FSTL5: variants seen among roughly 807,000 people sequenced by gnomAD.
The protein encoded by FSTL5 is follistatin-related protein 5.
FSTL5 carries 62 observed loss-of-function variants against 89.1 expected under a neutral mutation model. The observed-to-expected ratio is 0.70, with a 90% confidence interval of 0.57 to 0.86. FSTL5 has a LOEUF of 0.86. FSTL5 is among the 40% of genes least tolerant of loss of function. The pLI is 0.00. For synonymous variants in FSTL5, 383 were observed against 346.2 expected (o/e 1.11, Z -1.18); for missense variants, 1,057 against 1,001.6 (o/e 1.06, Z -0.75).
chr4:162,144,880 C>T (rs1372372795), intron 1 of FSTL5, among the ~76,000 whole-genome samples: 1 of 151,550 alleles, frequency 6.6e-6, no homozygotes, highest in Non-Finnish European at 1.5e-5. Flanking sequence ...AACATTCACA[C>T]AAAATTATTC....
rs80130660 is a variant in FSTL5, at chr4:161,416,141, G to A, written c.1842-29692C>T. Among the ~76,000 whole-genome samples, 625 of 152,098 alleles carry A rather than the reference G, an allele frequency of 4.1e-3. 3 individuals are homozygous for A. The highest frequency in any genetic ancestry group is 0.014 in the African/African-American group (594 of 41,494). ...ATCTACTGCAACACATAATTTTGTCGTTATTATCCCAAGAGAAAAATTAAA... is the reference window on the plus strand; with the variant it reads ...ATCTACTGCAACACATAATTTTGTCATTATTATCCCAAGAGAAAAATTAAA... On this transcript the variant is annotated intron_variant, in intron 15 of 15. Coordinates refer to ENST00000306100, the MANE Select transcript of FSTL5 (RefSeq NM_020116.5).
intron 8 of FSTL5, among the ~76,000 whole-genome samples, chr4:161,570,019 A>G (rs912373977): frequency 1.3e-5 from 2 of 152,200 alleles, no homozygotes; most frequent in Admixed American, 6.5e-5. Context: ...CTACTCATGT[A>G]CATTTAAAAA....
chr4:161,468,052 G>A (rs1733806353), intron 13 of FSTL5, among the ~76,000 whole-genome samples: 1 of 151,844 alleles, frequency 6.6e-6, no homozygotes, highest in African/African-American at 2.4e-5. Flanking sequence ...GTCCAGAATG[G>A]CCCACATAAT....
At chr4:161,861,406 A>G (rs539819033) in intron 4 of FSTL5, among the ~76,000 whole-genome samples, 1 of 151,922 alleles carries the variant, frequency 6.6e-6, no homozygotes, top group African/African-American at 2.4e-5. Context: ...TGGGAGTGAG[A>G]CTCCGTCTTC....
At chr4:161,813,230 C>T (rs994399886) in intron 4 of FSTL5, among the ~76,000 whole-genome samples, 1 of 151,852 alleles carries the variant, frequency 6.6e-6, no homozygotes, top group Non-Finnish European at 1.5e-5. Flanking sequence ...GGGGTTTCAC[C>T]GTGTTAGCAA....
chr4:161,505,282 G>A (rs1265468115), intron 11 of FSTL5, among the ~76,000 whole-genome samples: 1 of 152,060 alleles, frequency 6.6e-6, no homozygotes, highest in Admixed American at 6.6e-5. Context: ...TCCTGACTTT[G>A]GAGATAACAT....
At chr4:161,912,949 T>G (rs1228371513) in intron 4 of FSTL5, among the ~76,000 whole-genome samples, 3 of 152,156 alleles carry the variant, frequency 2.0e-5, no homozygotes, top group African/African-American at 7.2e-5. Flanking sequence ...GCAAAGAGAC[T>G]GGTGGCACTT....
chr4:161,977,578 A>G (rs1735684937), intron 3 of FSTL5, among the ~76,000 whole-genome samples: 1 of 145,110 alleles, frequency 6.9e-6, no homozygotes, highest in East Asian at 2.1e-4. Context: ...ACGCCACTGC[A>G]CTCCAGCCTG....
intron 9 of FSTL5, among the ~76,000 whole-genome samples, chr4:161,538,971 G>C (rs1193451630): frequency 6.6e-6 from 1 of 151,968 alleles, no homozygotes; most frequent in Non-Finnish European, 1.5e-5. Flanking sequence ...CACCATGTTT[G>C]CCAGGCTGGT....
chr4:162,141,159 C>T (rs925807196), intron 1 of FSTL5, among the ~76,000 whole-genome samples: 3 of 110,304 alleles, frequency 2.7e-5, no homozygotes, highest in Non-Finnish European at 3.7e-5. Flanking sequence ...CTCTGTCGCC[C>T]AGGCTGGAGT....
intron 4 of FSTL5, among the ~76,000 whole-genome samples, chr4:161,818,607 G>A (rs938451830): frequency 6.6e-6 from 1 of 152,186 alleles, no homozygotes; most frequent in Non-Finnish European, 1.5e-5. Flanking sequence ...TGAGCAGTGG[G>A]GCATTGTAGA....
intron 7 of FSTL5, among the ~76,000 whole-genome samples, chr4:161,590,618 C>G (rs1293066839): frequency 2.0e-5 from 3 of 152,078 alleles, no homozygotes; most frequent in African/African-American, 7.2e-5. Context: ...AAAGGATTTA[C>G]AAATGAACAA....
intron 1 of FSTL5, among the ~76,000 whole-genome samples, chr4:162,143,056 TG>T (rs1732809614): frequency 6.6e-6 from 1 of 152,156 alleles, no homozygotes; most frequent in Admixed American, 6.5e-5. Flanking sequence ...AAGCTTTAAA[TG>T]TTATGTCTGT....
intron 15 of FSTL5, among the ~76,000 whole-genome samples, chr4:161,453,476 C>G (rs1220489621): frequency 2.8e-4 from 42 of 152,076 alleles, no homozygotes; most frequent in Admixed American, 2.8e-3. Flanking sequence ...GGTACCATTT[C>G]AGTTCAACTC....
chr4:161,890,230 A>G (rs1384373688), intron 4 of FSTL5, among the ~76,000 whole-genome samples: 1 of 152,256 alleles, frequency 6.6e-6, no homozygotes, highest in African/African-American at 2.4e-5. Context: ...TTGGCACCTA[A>G]TGGGTACACA....
At chr4:161,911,801 A>G (rs1201012535) in intron 4 of FSTL5, among the ~76,000 whole-genome samples, 2 of 152,186 alleles carry the variant, frequency 1.3e-5, no homozygotes, top group African/African-American at 4.8e-5. Flanking sequence ...AACCTATGTG[A>G]AAAGAGCAAT....
chr4:161,885,161 T>C (rs1732767296), intron 4 of FSTL5, among the ~76,000 whole-genome samples: 1 of 152,160 alleles, frequency 6.6e-6, no homozygotes, highest in African/African-American at 2.4e-5. Context: ...ATAACTCTTT[T>C]GTGTATTGTA....
intron 4 of FSTL5, among the ~76,000 whole-genome samples, chr4:161,875,233 C>T (rs116269455): frequency 0.014 from 2,182 of 152,242 alleles, 59 homozygotes; most frequent in African/African-American, 0.05. Context: ...TAACTTTCCA[C>T]GCCTAAGTAA....
At chr4:161,662,087 G>T (rs1736735619) in intron 6 of FSTL5, among the ~76,000 whole-genome samples, 1 of 152,092 alleles carries the variant, frequency 6.6e-6, no homozygotes, top group South Asian at 2.1e-4. Context: ...AGGCATAAGG[G>T]ATAGGGAAAA....
Sources: gnomAD v4.1 joint callset for allele counts (sites outside exome capture counted in the v4.1 genomes callset) on GRCh38, gnomAD v4.1.1 for gene constraint, MANE v1.5 for transcripts, NCBI Gene and HGNC (gene_info 2026-07-23, HGNC 2026-07-21) for gene names.